Variants in OTUD7A observed in about 807,000 individuals in gnomAD.
The protein encoded by OTUD7A is OTU deubiquitinase 7A.
OTUD7A carries 12 observed loss-of-function variants against 65.7 expected under a neutral mutation model. The ratio of observed to expected loss-of-function variants is 0.18; its 90% CI spans 0.12 to 0.30. The LOEUF (loss-of-function observed/expected upper bound fraction) is 0.30, where lower values mean the gene tolerates loss of function less well. Among genes scored for constraint, OTUD7A ranks in the 10% least tolerant of loss-of-function variants. OTUD7A has a pLI of 1.00. For missense variants in OTUD7A, 1,148 were observed against 1,304.8 expected, an observed-to-expected ratio of 0.88 and a Z score of 1.85; for synonymous variants, 641 against 586.3, an observed-to-expected ratio of 1.09 and a Z score of -1.35.
chr15:31,615,916 A>C (rs1253981858), intron 3 of OTUD7A, among the ~76,000 whole-genome samples: 1 of 152,232 alleles, frequency 6.6e-6, no homozygotes, highest in Admixed American at 6.5e-5. Flanking sequence ...GAGGTCTGTC[A>C]GGCACTGCTC....
chr15:31,527,197 G>A lies in OTUD7A; in HGVS notation c.764C>T (p.Thr255Met), dbSNP rs779556742. Residue 255 changes from threonine to methionine, a missense_variant, in exon 7 of 13, where the codon ACG becomes ATG. Around this residue, in one of 6 missense-constraint regions of OTUD7A, gnomAD observed 134 missense variants for 252.6 expected, o/e 0.53. Coordinates refer to ENST00000307050, the MANE Select transcript of OTUD7A (RefSeq NM_001382637.1). ...GATACCAACCTCCTTATTCTGCTGC[G>A]TCTGCTGCCACCTCCACCTCCGCTT... ...ALKRRWRWQQ[T>M]QQNKESGLVY... is the part of the protein sequence containing the mutation. 1.1e-5 allele frequency: 18 copies of A among 1,614,024 alleles called. No homozygotes were observed. The highest frequency in any genetic ancestry group is 8.3e-5 in the Admixed American group (5 of 60,002).
chr15:31,626,580 A>C (rs1008724916), intron 3 of OTUD7A, among the ~76,000 whole-genome samples: 1 of 152,148 alleles, frequency 6.6e-6, no homozygotes, highest in Non-Finnish European at 1.5e-5. Context: ...GAAAATCAGA[A>C]TATAATTTTT....
Position 31,713,323 on chromosome 15 carries a change from G to A in OTUD7A, c.-99-56246C>T, listed in dbSNP as rs4313776. 4.6e-3 allele frequency among the ~76,000 whole-genome samples: 699 copies of A among 151,920 alleles called. 2 individuals carry two copies. Among genetic ancestry groups the A allele is most frequent in the Non-Finnish European group, 6.5e-3 (443 of 67,862 alleles). ...GAAACAAGATGCCAAAACTACTATT[G>A]AAATGGTAAAGTACGCTGGGCACGG... On this transcript the variant is annotated intron_variant, in intron 1 of 12. Transcript: ENST00000307050.
intron 3 of OTUD7A, among the ~76,000 whole-genome samples, chr15:31,592,802 C>T (rs1391997817): frequency 7.1e-6 from 1 of 140,826 alleles, no homozygotes; most frequent in African/African-American, 2.7e-5. Flanking sequence ...ATGGCGTGAA[C>T]CCAGGAGGCG....
At chr15:31,555,129 A>G (rs1888449110) in intron 5 of OTUD7A, among the ~76,000 whole-genome samples, 1 of 152,148 alleles carries the variant, frequency 6.6e-6, no homozygotes, top group Admixed American at 6.5e-5. Flanking sequence ...GGAGAGTGGA[A>G]TCAGGCCCCA....
intron 1 of OTUD7A, among the ~76,000 whole-genome samples, chr15:31,787,059 A>G (rs1476974541): frequency 1.3e-5 from 2 of 152,242 alleles, no homozygotes; most frequent in Non-Finnish European, 2.9e-5. Context: ...AACATGGCAT[A>G]CATGGCCAGA....
At chr15:31,499,985 G>A (rs2041443146) in intron 10 of OTUD7A, among the ~76,000 whole-genome samples, 1 of 152,230 alleles carries the variant, frequency 6.6e-6, no homozygotes, top group Non-Finnish European at 1.5e-5. Flanking sequence ...AGCAGTATCT[G>A]GAAGGCCTGG....
intron 1 of OTUD7A, among the ~76,000 whole-genome samples, chr15:31,836,346 C>T (rs1305626257): frequency 6.6e-6 from 1 of 152,172 alleles, no homozygotes. Flanking sequence ...AACTTAATCA[C>T]TTTTCAGTTC....
chr15:31,611,720 C>T (rs762079852), intron 3 of OTUD7A, among the ~76,000 whole-genome samples: 3 of 151,882 alleles, frequency 2.0e-5, no homozygotes, highest in Non-Finnish European at 4.4e-5. Context: ...AGAATTCTAC[C>T]AGACAAAGAA....
chr15:31,480,115 T>C lies in OTUD7A; in HGVS notation c.*3179A>G, dbSNP rs1049669192. 1 of 152,192 alleles carries C rather than the reference T, an allele frequency of 6.6e-6. No individual in the cohort carries two copies. The highest frequency in any genetic ancestry group is 2.4e-5 in the African/African-American group (1 of 41,450). 9.4% of individuals were successfully genotyped at this position (152,192 alleles called of 1,614,324 possible). ...GTTACCCTTCCAAGGGACAACCCTG[T>C]GGCAATAACGGGTGCAAAATATTGC... On this transcript the variant is annotated 3_prime_UTR_variant, in exon 13 of 13. Transcript: ENST00000307050.
Position 31,484,414 on chromosome 15 carries a change from C to G in OTUD7A, c.1682G>C (p.Gly561Ala). The change falls in exon 13 of 13, where the codon GGG becomes GCG. Residue 561 changes from glycine (G) to alanine (A), a missense_variant. This residue lies in a region of OTUD7A where 842 missense variants were observed against 769.5 expected (regional missense o/e 1.09). Coordinates refer to ENST00000307050, the MANE Select transcript of OTUD7A (RefSeq NM_001382637.1). The surrounding 1 kb of genome is among the most constrained non-coding windows in gnomAD (Gnocchi z 4.5). The stretch of plus-strand genomic sequence containing the variant: ...CTCCTTGCCCCGCTCGGCCGAGTCC[C>G]CGTTCTTGCCATTGGCGGAGTTGGC... ...GRANSANGKN[G>A]DSAERGKEKK... The G allele has an allele frequency of 6.2e-7, 1 of 1,602,202 alleles. No individual in the cohort carries two copies. Among genetic ancestry groups the G allele is most frequent in the Non-Finnish European group, 8.5e-7 (1 of 1,179,858 alleles).
intron 3 of OTUD7A, among the ~76,000 whole-genome samples, chr15:31,579,377 G>A (rs1566928862): frequency 6.6e-6 from 1 of 152,116 alleles, no homozygotes; most frequent in Non-Finnish European, 1.5e-5. Context: ...CACTGTTCTT[G>A]TACTTTGGGG....
chr15:31,791,939 G>A (rs1160059495), intron 1 of OTUD7A, among the ~76,000 whole-genome samples: 1 of 152,090 alleles, frequency 6.6e-6, no homozygotes, highest in Non-Finnish European at 1.5e-5. Flanking sequence ...CCTGGATGAT[G>A]TAGAGAAGAT....
chr15:31,796,142 C>CGCGTGTGT (rs1654028955), intron 1 of OTUD7A, among the ~76,000 whole-genome samples: 2 of 148,134 alleles, frequency 1.4e-5, no homozygotes, highest in South Asian at 4.4e-4. Flanking sequence ...GTAAGGGGTG[C>CGCGTGTGT]GTGTGTGTGT....
At chr15:31,742,646 A>C (rs913188507) in intron 1 of OTUD7A, among the ~76,000 whole-genome samples, 2 of 152,140 alleles carry the variant, frequency 1.3e-5, no homozygotes, top group Admixed American at 1.3e-4. Context: ...GCAGAATATT[A>C]TTTCCAAGTT....
rs11488883 is a variant in OTUD7A at position 31,668,324 on chromosome 15, G to A, written c.-99-11247C>T. Among the ~76,000 whole-genome samples the A allele has an allele frequency of 4.1e-3, 619 of 152,222 alleles. 2 individuals carry two copies. The highest frequency in any genetic ancestry group is 0.014 in the African/African-American group (591 of 41,552). ...TGTTTAACATAGTCCCAGCCTTCTT[G>A]GAGGCTTTGTTCATATTTTCTTATT... On this transcript the variant is annotated intron_variant, in intron 1 of 12. Transcript: ENST00000307050.
chr15:31,544,294 G>C (rs1439256256), intron 5 of OTUD7A, among the ~76,000 whole-genome samples: 1 of 151,614 alleles, frequency 6.6e-6, no homozygotes, highest in African/African-American at 2.4e-5. Flanking sequence ...AGAAAGGCTA[G>C]GAATTAATGA....
At chr15:31,596,661 T>A (rs929310891) in intron 3 of OTUD7A, among the ~76,000 whole-genome samples, 3 of 151,994 alleles carry the variant, frequency 2.0e-5, no homozygotes, top group East Asian at 3.8e-4. Context: ...CATTCTTAAT[T>A]TTTTTTTGTT....
chr15:31,822,397 C>A (rs1176149418), intron 1 of OTUD7A, among the ~76,000 whole-genome samples: 1 of 152,202 alleles, frequency 6.6e-6, no homozygotes, highest in Non-Finnish European at 1.5e-5. Flanking sequence ...CCTCCAGTTT[C>A]TGTTATTTAT....
Sources: gnomAD v4.1 joint callset for allele counts (sites outside exome capture counted in the v4.1 genomes callset) on GRCh38, gnomAD v4.1.1 for gene constraint, gnomAD v4.1.1 regional missense constraint, Gnocchi (gnomAD v3.1) non-coding constraint, MANE v1.5 for transcripts, NCBI Gene and HGNC (gene_info 2026-07-23, HGNC 2026-07-21) for gene names.